LRRC49: variants seen among roughly 807,000 people sequenced by gnomAD.
LRRC49 encodes leucine rich repeat containing 49, also known as leucine-rich repeat-containing protein 49.
LRRC49 carries 50 observed loss-of-function variants against 83.3 expected under a neutral mutation model. That is an observed-to-expected ratio of 0.60 (90% CI 0.48 to 0.76). LRRC49 has a LOEUF of 0.76. LRRC49 is among the 30% of genes least tolerant of loss of function. LRRC49 has a pLI of 0.00. For synonymous variants in LRRC49, 286 were observed against 283.3 expected, an observed-to-expected ratio of 1.01 and a Z score of -0.10; for missense variants, 704 against 809.1, an observed-to-expected ratio of 0.87 and a Z score of 1.58.
At chr15:70,909,824 C>T (rs140449055) in intron 5 of LRRC49, among the ~76,000 whole-genome samples, 3,498 of 118,994 alleles carry the variant, frequency 0.029, 164 homozygotes, top group Admixed American at 0.15. Context: ...GGTGACAGGG[C>T]GAGACTCCAT....
intron 1 of LRRC49, among the ~76,000 whole-genome samples, chr15:70,857,895 G>A (rs1323047373): frequency 1.3e-5 from 2 of 152,190 alleles, no homozygotes; most frequent in African/African-American, 4.8e-5. Context: ...CCTCTCTGCT[G>A]TTCAGTTTTC....
intron 7 of LRRC49, among the ~76,000 whole-genome samples, chr15:70,926,242 T>A (rs1228936241): frequency 1.3e-5 from 2 of 152,172 alleles, no homozygotes; most frequent in African/African-American, 2.4e-5. Context: ...TTGCAGTTTT[T>A]AAAAATTATT....
rs1200459828 is a variant in LRRC49, at chr15:71,052,888, G to A, written c.*3276G>A. ...ATGGTCGTTCCTAATCCACTTTCAT[G>A]TTTTGTCATTATGCTGAGGAATAGC... is the stretch of plus-strand genomic sequence containing the variant. On this transcript the variant is annotated 3_prime_UTR_variant, in exon 16 of 16. Transcript: ENST00000260382. 6.6e-6 allele frequency: 1 copy of A among 152,130 alleles called. No homozygotes were observed. Among genetic ancestry groups the A allele is most frequent in the African/African-American group, 2.4e-5 (1 of 41,422 alleles). 9.4% of individuals were successfully genotyped at this position (152,130 alleles called of 1,614,324 possible).
chr15:70,999,407 G>A (rs575733570), intron 11 of LRRC49, among the ~76,000 whole-genome samples: 1 of 152,178 alleles, frequency 6.6e-6, no homozygotes, highest in Non-Finnish European at 1.5e-5. Flanking sequence ...TGTACCCACT[G>A]AAATCTCTGT....
chr15:71,036,518 TG>T (rs1474526017), intron 14 of LRRC49, among the ~76,000 whole-genome samples: 6 of 152,248 alleles, frequency 3.9e-5, no homozygotes, highest in African/African-American at 1.4e-4. Flanking sequence ...ACACCCTAAG[TG>T]GTGGAAACCA....
intron 3 of LRRC49, among the ~76,000 whole-genome samples, chr15:70,899,313 T>G (rs752567500): frequency 2.6e-5 from 4 of 152,172 alleles, no homozygotes; most frequent in African/African-American, 4.8e-5. Context: ...TTCAATCTTT[T>G]GTCTTTAGTT....
chr15:71,022,070 T>C (rs2039011946), intron 14 of LRRC49, among the ~76,000 whole-genome samples: 1 of 152,132 alleles, frequency 6.6e-6, no homozygotes, highest in African/African-American at 2.4e-5. Context: ...TATTAATTGT[T>C]CTGATTAAAA....
At chr15:70,909,628 C>G (rs1261808794) in intron 5 of LRRC49, among the ~76,000 whole-genome samples, 8 of 152,108 alleles carry the variant, frequency 5.3e-5, no homozygotes, top group Admixed American at 2.0e-4. Context: ...ATCACCACGT[C>G]AAGAGATCAA....
At chr15:70,855,281 G>C (rs112042100) in intron 1 of LRRC49, among the ~76,000 whole-genome samples, 1,660 of 150,550 alleles carry the variant, frequency 0.011, 31 homozygotes, top group African/African-American at 0.038. Flanking sequence ...GTTGTGGTGA[G>C]CCGAGATTGT....
intron 7 of LRRC49, among the ~76,000 whole-genome samples, chr15:70,927,116 G>T (rs541228999): frequency 1.5e-4 from 23 of 152,190 alleles, no homozygotes; most frequent in Non-Finnish European, 2.6e-4. Context: ...GAAACTACCA[G>T]TTTTATGAAG....
At chr15:70,857,956 A>T (rs2032692300) in intron 1 of LRRC49, among the ~76,000 whole-genome samples, 1 of 152,250 alleles carries the variant, frequency 6.6e-6, no homozygotes, top group Non-Finnish European at 1.5e-5. Context: ...TTGGGCTCAC[A>T]GATAAAACTA....
At chr15:70,882,347 C>G (rs2033283517) in intron 2 of LRRC49, 1 of 1,055,072 alleles carries the variant, frequency 9.5e-7, no homozygotes, top group African/African-American at 1.6e-5. Context: ...TGCTGATACT[C>G]AACTGTCAAA....
chr15:70,982,837 A>G (rs936983207), intron 10 of LRRC49, among the ~76,000 whole-genome samples: 1 of 152,254 alleles, frequency 6.6e-6, no homozygotes, highest in Non-Finnish European at 1.5e-5. Context: ...TTAATTAAGC[A>G]AGCCATATCA....
chr15:70,862,685 A>G (rs1340321066), intron 1 of LRRC49, among the ~76,000 whole-genome samples: 4 of 152,050 alleles, frequency 2.6e-5, no homozygotes, highest in Non-Finnish European at 5.9e-5. Flanking sequence ...AAAGCTCCCA[A>G]AATGATTCCA....
chr15:70,955,747 C>G (rs544979422), intron 8 of LRRC49, among the ~76,000 whole-genome samples: 1 of 152,010 alleles, frequency 6.6e-6, no homozygotes, highest in African/African-American at 2.4e-5. Context: ...TTTTTTTTAG[C>G]AGATCATGAA....
intron 10 of LRRC49, among the ~76,000 whole-genome samples, chr15:70,981,156 C>G (rs1007547688): frequency 2.0e-5 from 3 of 152,144 alleles, no homozygotes; most frequent in African/African-American, 7.2e-5. Flanking sequence ...ACAACAGACC[C>G]TCAGCATTTG....
Position 71,000,511 on chromosome 15 carries a change from G to A in LRRC49, c.1170-7868G>A, listed in dbSNP as rs532384241. Among the ~76,000 whole-genome samples, 31 of 151,948 alleles carry A rather than the reference G, an allele frequency of 2.0e-4. No individual in the cohort carries two copies. The East Asian group carries it at 5.2e-3, about 26-fold the overall frequency. ...TTAAGCTATGTTTGTCTCCTTTTCCGCTTCCTAAGCCACTCCAAGAATAGT... is the reference window on the plus strand; with the variant it reads ...TTAAGCTATGTTTGTCTCCTTTTCCACTTCCTAAGCCACTCCAAGAATAGT... On this transcript the variant is annotated intron_variant, in intron 11 of 15. Coordinates refer to ENST00000260382, the MANE Select transcript of LRRC49 (RefSeq NM_017691.5).
chr15:70,873,297 A>G, intron 2 of LRRC49: 1 of 1,414,750 alleles, frequency 7.1e-7, no homozygotes, highest in Non-Finnish European at 9.7e-7. Context: ...GAACTAAAAC[A>G]TCATATACGG....
At chr15:70,971,220 C>T (rs1056802085) in intron 9 of LRRC49, among the ~76,000 whole-genome samples, 1 of 152,066 alleles carries the variant, frequency 6.6e-6, no homozygotes, top group Non-Finnish European at 1.5e-5. Context: ...TTTATTTCTC[C>T]CTTAAATTCA....
Sources: gnomAD v4.1 joint callset for allele counts (sites outside exome capture counted in the v4.1 genomes callset) on GRCh38, gnomAD v4.1.1 for gene constraint, MANE v1.5 for transcripts, NCBI Gene and HGNC (gene_info 2026-07-23, HGNC 2026-07-21) for gene names.